EFHC1: variants seen among roughly 807,000 people sequenced by gnomAD.
The protein encoded by EFHC1 is EF-hand domain-containing protein 1.
In EFHC1, 53 loss-of-function variants were observed where a neutral mutation model predicts 69.9. The ratio of observed to expected loss-of-function variants is 0.76; its 90% CI spans 0.61 to 0.95. The LOEUF is 0.95. Ranked by LOEUF, EFHC1 falls within the 40% of genes least tolerant of loss-of-function variation. EFHC1 has a pLI of 0.00. For missense variants in EFHC1, 739 were observed against 798.7 expected (o/e 0.93, Z 0.90); for synonymous variants, 256 against 278.4 (o/e 0.92, Z 0.80).
At chr6:52,464,174 C>G (rs1381128172) in intron 5 of EFHC1, among the ~76,000 whole-genome samples, 1 of 152,146 alleles carries the variant, frequency 6.6e-6, no homozygotes, top group Non-Finnish European at 1.5e-5. Context: ...ATCCTTAGTT[C>G]TCATGAAACA....
At chr6:52,432,122 A>G (rs905384753) in intron 2 of EFHC1, among the ~76,000 whole-genome samples, 1 of 152,024 alleles carries the variant, frequency 6.6e-6, no homozygotes, top group Non-Finnish European at 1.5e-5. Flanking sequence ...AAGGCAGCAG[A>G]TGGTTGGTGA....
At chr6:52,441,177 G>A (rs1222663936) in intron 3 of EFHC1, among the ~76,000 whole-genome samples, 1 of 152,050 alleles carries the variant, frequency 6.6e-6, no homozygotes, top group Admixed American at 6.6e-5. Context: ...TGTTGTGATT[G>A]CTTTTGGTGT....
chr6:52,421,100 C>A, intron 1 of EFHC1: 1 of 933,536 alleles, frequency 1.1e-6, no homozygotes, highest in Non-Finnish European at 1.3e-6. Context: ...TGCTTGCATC[C>A]AACCCCATTC....
intron 7 of EFHC1, among the ~76,000 whole-genome samples, chr6:52,470,911 C>G (rs966770555): frequency 6.6e-6 from 1 of 152,198 alleles, no homozygotes; most frequent in Non-Finnish European, 1.5e-5. Context: ...TGATATATCA[C>G]TAAAAGTTAA....
intron 7 of EFHC1, among the ~76,000 whole-genome samples, chr6:52,475,363 G>A (rs1050482538): frequency 3.3e-5 from 5 of 152,186 alleles, no homozygotes; most frequent in Admixed American, 1.3e-4. Context: ...TCCCATGGAG[G>A]TCAGACTAAG....
At chr6:52,425,931 C>T (rs553668209) in intron 2 of EFHC1, among the ~76,000 whole-genome samples, 1 of 152,302 alleles carries the variant, frequency 6.6e-6, no homozygotes, top group South Asian at 2.1e-4. Flanking sequence ...GACATCTATT[C>T]CAAGTGCCCT....
chr6:52,467,700 T>C (rs1765341553), intron 6 of EFHC1, among the ~76,000 whole-genome samples: 1 of 152,322 alleles, frequency 6.6e-6, no homozygotes, highest in African/African-American at 2.4e-5. Flanking sequence ...TAATTTTATA[T>C]AATAAAACAT....
Position 52,464,955 on chromosome 6 carries a change from C to A in EFHC1, c.977C>A (p.Ala326Asp), listed in dbSNP as rs1404622886. The change falls in exon 6 of 11, where the codon GCT becomes GAT. Residue 326 changes from alanine to aspartate, a missense_variant. Transcript: ENST00000371068. The part of the protein sequence containing the change: ...SDQEVLEWYT[A>D]KDFIVGKSLT... ...CAAGAAGTGTTGGAATGGTATACTG[C>A]TAAAGACTTCATTGTTGGGAAGTCA... is the stretch of plus-strand genomic sequence containing the variant. The A allele has an allele frequency of 4.3e-6, 7 of 1,614,002 alleles. No individual in the cohort carries two copies. Among genetic ancestry groups the A allele is most frequent in the Non-Finnish European group, 5.9e-6 (7 of 1,180,010 alleles).
intron 5 of EFHC1, among the ~76,000 whole-genome samples, chr6:52,462,085 T>G (rs1765179929): frequency 6.6e-6 from 1 of 151,962 alleles, no homozygotes; most frequent in African/African-American, 2.4e-5. Flanking sequence ...ATATTATTAT[T>G]CATTTAATAT....
At chr6:52,477,474 C>T (rs1478221316) in intron 7 of EFHC1, among the ~76,000 whole-genome samples, 1 of 152,126 alleles carries the variant, frequency 6.6e-6, no homozygotes, top group African/African-American at 2.4e-5. Context: ...ACTGGAATTT[C>T]TTCCTTAGGG....
At chr6:52,474,211 G>C (rs1581843976) in intron 7 of EFHC1, among the ~76,000 whole-genome samples, 1 of 152,328 alleles carries the variant, frequency 6.6e-6, no homozygotes. Context: ...AGTTACCTGG[G>C]ACACTAAGGC....
chr6:52,447,542 C>T (rs1039800586), intron 3 of EFHC1, among the ~76,000 whole-genome samples: 1 of 152,042 alleles, frequency 6.6e-6, no homozygotes, highest in Non-Finnish European at 1.5e-5. Flanking sequence ...TTTGTTATTA[C>T]TGATTGTCTG....
chr6:52,446,394 T>C (rs1764787387), intron 3 of EFHC1, among the ~76,000 whole-genome samples: 1 of 152,228 alleles, frequency 6.6e-6, no homozygotes, highest in Non-Finnish European at 1.5e-5. Flanking sequence ...CCTGCTTTTT[T>C]TTGTTTTCCA....
At chr6:52,453,229 T>C in intron 4 of EFHC1, 1 of 1,292,692 alleles carries the variant, frequency 7.7e-7, no homozygotes, top group Non-Finnish European at 1.0e-6. Flanking sequence ...CAAATATGCA[T>C]ACATGTAGGT....
intron 3 of EFHC1, among the ~76,000 whole-genome samples, chr6:52,443,721 T>A (rs1033563020): frequency 1.3e-5 from 2 of 152,244 alleles, no homozygotes; most frequent in African/African-American, 4.8e-5. Flanking sequence ...TCAGGTAGCG[T>A]GATGCCTCCA....
intron 1 of EFHC1, among the ~76,000 whole-genome samples, chr6:52,423,069 C>G (rs1764225426): frequency 6.6e-6 from 1 of 152,154 alleles, no homozygotes; most frequent in South Asian, 2.1e-4. Context: ...GCATATAGTT[C>G]TTTCTCATAA....
chr6:52,424,498 CTG>C (rs1364048433), intron 2 of EFHC1, among the ~76,000 whole-genome samples: 1 of 152,152 alleles, frequency 6.6e-6, no homozygotes, highest in Non-Finnish European at 1.5e-5. Flanking sequence ...TTAAAGGTAA[CTG>C]TATTCTGTAA....
At chr6:52,487,585 GCTCTTCCTT>G (rs1389641623) in intron 9 of EFHC1, 1 of 152,188 alleles carries the variant, frequency 6.6e-6, no homozygotes, top group Non-Finnish European at 1.5e-5. Context: ...TAGCACACCT[GCTCTTCCTT>G]ATTCCTTCTT....
At chr6:52,443,065 G>T (rs1456986836) in intron 3 of EFHC1, among the ~76,000 whole-genome samples, 6 of 152,134 alleles carry the variant, frequency 3.9e-5, no homozygotes, top group East Asian at 1.9e-4. Context: ...TCACGTATCT[G>T]TTGGCTGCAT....
Sources: allele counts gnomAD v4.1 joint callset (sites outside exome capture counted in the v4.1 genomes callset), GRCh38; gene constraint gnomAD v4.1.1; transcripts MANE v1.5; gene names NCBI Gene and HGNC (gene_info 2026-07-23, HGNC 2026-07-21).